NXPH3: variants seen among roughly 807,000 people sequenced by gnomAD.
NXPH3 encodes neurexophilin-3.
NXPH3 carries 7 observed loss-of-function variants against 18.8 expected under a neutral mutation model. That is an observed-to-expected ratio of 0.37 (90% confidence interval 0.21 to 0.70). The LOEUF is 0.70. Ranked by LOEUF, NXPH3 falls within the 30% of genes least tolerant of loss-of-function variation. The probability of loss-of-function intolerance (pLI) is 0.53; values close to 1 mark genes in which losing one functional copy is unlikely to be tolerated. For synonymous variants in NXPH3, 101 were observed against 137.3 expected, an observed-to-expected ratio of 0.74 and a Z score of 1.85; for missense variants, 282 against 338.1, an observed-to-expected ratio of 0.83 and a Z score of 1.30.
Position 49,579,279 on chromosome 17 carries a change from C to A in NXPH3, c.738C>A (p.Thr246=), listed in dbSNP as rs774835291. 1.1e-5 allele frequency: 18 copies of A among 1,598,006 alleles called. No homozygotes were observed. The South Asian group carries it at 2.0e-4, about 18-fold the overall frequency. ...VCPDYNYHSD[T]PYYPSG is the part of the protein sequence containing the mutation. ...CAGATTACAACTACCATAGTGATAC[C>A]CCCTACTACCCATCTGGGTGACCCG... The change falls in exon 2 of 2, where the codon ACC becomes ACA. Residue 246 remains threonine (T), a synonymous_variant. Coordinates refer to ENST00000328741, the MANE Select transcript of NXPH3 (RefSeq NM_007225.4). The surrounding 1 kb of genome is among the most constrained non-coding windows in gnomAD (Gnocchi z 6.0).
In NXPH3 at chr17:49,578,344, C is replaced by T. The variant is rs986184131; in HGVS notation, c.55-252C>T. Among the ~76,000 whole-genome samples, 26 of 149,424 alleles carry T rather than the reference C, an allele frequency of 1.7e-4. No homozygotes were observed. The highest frequency in any genetic ancestry group is 4.4e-5 in the Non-Finnish European group (3 of 67,672). On this transcript the variant is annotated intron_variant, in intron 1 of 1. Coordinates refer to ENST00000328741, the MANE Select transcript of NXPH3 (RefSeq NM_007225.4). This position sits in a 1 kb window ranked among gnomAD's most constrained non-coding sequence, Gnocchi z 4.5. Reference sequence around the variant, plus strand: ...TTCACTGGAGAGAATTATTGTCGGTCTTTGAGACTTTGAATTTGAATAGTG... The same window carrying T: ...TTCACTGGAGAGAATTATTGTCGGTTTTTGAGACTTTGAATTTGAATAGTG...
chr17:49,576,713 G>A (rs2143035333), intron 1 of NXPH3, among the ~76,000 whole-genome samples: 1 of 151,972 alleles, frequency 6.6e-6, no homozygotes, highest in South Asian at 2.1e-4. Flanking sequence ...GTCCAGGCGG[G>A]GGGCGGCCCC....
At position 49,579,325 on chromosome 17, in the gene NXPH3, G is replaced by T. The variant is rs1186021932; in HGVS notation, c.*25G>T. ...ACCCGGGGCAGGCCACAGAGGCCAG[G>T]CCAGGGCTGGAAGGACAGGCCTGCC... is the stretch of plus-strand genomic sequence containing the variant. On this transcript the variant is annotated 3_prime_UTR_variant, in exon 2 of 2. Transcript: ENST00000328741. The surrounding 1 kb of genome is among the most constrained non-coding windows in gnomAD (Gnocchi z 6.0). The T allele has an allele frequency of 6.4e-7, 1 of 1,573,176 alleles. No homozygotes were observed. The highest frequency in any genetic ancestry group is 8.6e-7 in the Non-Finnish European group (1 of 1,161,110).
chr17:49,576,462 G>A (rs1464354331), intron 1 of NXPH3, among the ~76,000 whole-genome samples, 189 bp downstream of exon 1: 1 of 152,038 alleles, frequency 6.6e-6, no homozygotes, highest in Non-Finnish European at 1.5e-5. Flanking sequence ...AATAGGGGCG[G>A]GGAGAGGGTG....
At position 49,582,839 on chromosome 17, in the gene NXPH3, G is replaced by T. The variant is rs2071607460; in HGVS notation, c.*3539G>T. On this transcript the variant is annotated 3_prime_UTR_variant, in exon 2 of 2. Coordinates refer to ENST00000328741, the MANE Select transcript of NXPH3 (RefSeq NM_007225.4). The stretch of plus-strand genomic sequence containing the variant: ...AGCACTCTGTGAAGCTAATAAGGGG[G>T]ATTACCCGTTAGGTCAACTGGTAGC... 6.6e-6 allele frequency: 1 copy of T among 152,186 alleles called. No homozygotes were observed. Among genetic ancestry groups the T allele is most frequent in the Admixed American group, 6.5e-5 (1 of 15,276 alleles). 9.4% of individuals were successfully genotyped at this position (152,186 alleles called of 1,614,324 possible).
Position 49,576,195 on chromosome 17 carries a change from G to T in NXPH3, c.-25G>T. ...GACCCCGAAAAGAGAAGGGGAGAGC[G>T]AGGGGACGAGAGCGGAGGAGGAAGA... On this transcript the variant is annotated 5_prime_UTR_variant, in exon 1 of 2. Transcript: ENST00000328741. 1 of 1,560,084 alleles carries T rather than the reference G, an allele frequency of 6.4e-7. No homozygotes were observed. The highest frequency in any genetic ancestry group is 8.7e-7 in the Non-Finnish European group (1 of 1,151,988).
In NXPH3 at chr17:49,579,108, G is replaced by A. The variant is rs993616793; in HGVS notation, c.567G>A (p.Ser189=). The part of the protein sequence containing the change: ...WEKVERGRRT[S]LCTHDPAKIC... ...AGGTAGAACGGGGCCGCCGGACCTC[G>A]CTTTGCACCCACGACCCAGCCAAGA... is the stretch of plus-strand genomic sequence containing the variant. The change falls in exon 2 of 2, where the codon TCG becomes TCA. Residue 189 remains serine (S), a synonymous_variant. Transcript: ENST00000328741. This position sits in a 1 kb window ranked among gnomAD's most constrained non-coding sequence, Gnocchi z 6.0. 13 of 1,613,898 alleles carry A rather than the reference G, an allele frequency of 8.1e-6. No homozygotes were observed. The highest frequency in any genetic ancestry group is 5.3e-5 in the African/African-American group (4 of 74,942).
intron 1 of NXPH3, 42 bp downstream of exon 1, chr17:49,576,315 G>A: frequency 6.5e-7 from 1 of 1,547,284 alleles, no homozygotes; most frequent in South Asian, 1.2e-5. Flanking sequence ...GCGGGGGCCC[G>A]GAGGATCGGG....
Position 49,581,776 on chromosome 17 carries a change from C to T in NXPH3, c.*2476C>T. On this transcript the variant is annotated 3_prime_UTR_variant, in exon 2 of 2. Transcript: ENST00000328741. ...GGCCCTGGGCGCCCTCCCCACCTCC[C>T]CTGGCTGAACTCTCAGCAGGCACTG... The T allele has an allele frequency of 1.4e-6, 1 of 702,110 alleles. No individual in the cohort carries two copies. Among genetic ancestry groups the T allele is most frequent in the Non-Finnish European group, 2.6e-6 (1 of 384,766 alleles). 43.5% of individuals were successfully genotyped at this position (702,110 alleles called of 1,614,324 possible). A position where few individuals can be genotyped will look rare whatever the true frequency, so the allele number is the denominator to read the frequency against.
chr17:49,578,299 CGTTGT>C lies in NXPH3; in HGVS notation c.55-296_55-292del, dbSNP rs1306712106. Among the ~76,000 whole-genome samples the C allele has an allele frequency of 3.3e-4, 50 of 151,992 alleles. No homozygotes were observed. The highest frequency in any genetic ancestry group is 1.2e-3 in the African/African-American group (49 of 41,394). ...CTGGGGACTCCCTAGGGGTAGGAGC[CGTTGT>C]CCCTGGTGCCACAGTTCACTGGAGA... On this transcript the variant is annotated intron_variant, in intron 1 of 1. Coordinates refer to ENST00000328741, the MANE Select transcript of NXPH3 (RefSeq NM_007225.4). The surrounding 1 kb of genome is among the most constrained non-coding windows in gnomAD (Gnocchi z 4.5).
Position 49,576,176 on chromosome 17 carries a change from G to A in NXPH3, c.-44G>A, listed in dbSNP as rs767394644. On this transcript the variant is annotated 5_prime_UTR_variant, in exon 1 of 2. Transcript: ENST00000328741. ...GAAGGGGAAGGAGGCCTGGGACCCC[G>A]AAAAGAGAAGGGGAGAGCGAGGGGA... is the stretch of plus-strand genomic sequence containing the variant. The A allele has an allele frequency of 7.7e-6, 12 of 1,554,034 alleles. No homozygotes were observed. The African/African-American group carries it at 1.6e-4, about 21-fold the overall frequency.
In NXPH3 at chr17:49,576,124, C is replaced by A; in HGVS notation, c.-96C>A. 6.8e-7 allele frequency: 1 copy of A among 1,462,346 alleles called. No homozygotes were observed. Among genetic ancestry groups the A allele is most frequent in the Non-Finnish European group, 9.3e-7 (1 of 1,070,324 alleles). 90.6% of individuals were successfully genotyped at this position (1,462,346 alleles called of 1,614,324 possible). A position where few individuals can be genotyped will look rare whatever the true frequency, so the allele number is the denominator to read the frequency against. The stretch of plus-strand genomic sequence containing the variant: ...GGCCGCGGGCCGCCGGGGACTGGAG[C>A]ATGGGACGGCGCGCCTGAAGGAGCA... On this transcript the variant is annotated 5_prime_UTR_variant, in exon 1 of 2. Transcript: ENST00000328741.
chr17:49,583,058 T>G lies in NXPH3; in HGVS notation c.*3758T>G, dbSNP rs1026933352. 1 of 152,186 alleles carries G rather than the reference T, an allele frequency of 6.6e-6. No homozygotes were observed. The highest frequency in any genetic ancestry group is 1.5e-5 in the Non-Finnish European group (1 of 68,060). 9.4% of individuals were successfully genotyped at this position (152,186 alleles called of 1,614,324 possible). A position where few individuals can be genotyped will look rare whatever the true frequency, so the allele number is the denominator to read the frequency against. On this transcript the variant is annotated 3_prime_UTR_variant, in exon 2 of 2. Transcript: ENST00000328741. Reference sequence around the variant, plus strand: ...AGGTGGCGAGGCCCATTGCTCGAGATGCACCTGGTGGGTGGGTGGCAGGGA... The same window carrying G: ...AGGTGGCGAGGCCCATTGCTCGAGAGGCACCTGGTGGGTGGGTGGCAGGGA...
chr17:49,576,187 G>A lies in NXPH3; in HGVS notation c.-33G>A, dbSNP rs1196911405. ...AGGCCTGGGACCCCGAAAAGAGAAGGGGAGAGCGAGGGGACGAGAGCGGAG... is the reference window on the plus strand; with the variant it reads ...AGGCCTGGGACCCCGAAAAGAGAAGAGGAGAGCGAGGGGACGAGAGCGGAG... On this transcript the variant is annotated 5_prime_UTR_variant, in exon 1 of 2. Transcript: ENST00000328741. 1 of 1,557,442 alleles carries A rather than the reference G, an allele frequency of 6.4e-7. No individual in the cohort carries two copies. The highest frequency in any genetic ancestry group is 8.7e-7 in the Non-Finnish European group (1 of 1,150,452).
rs935792566 is a variant in NXPH3 at position 49,575,908 on chromosome 17, G to C, written c.-312G>C. 31 of 323,398 alleles carry C rather than the reference G, an allele frequency of 9.6e-5. No individual in the cohort carries two copies. The highest frequency in any genetic ancestry group is 5.9e-4 in the African/African-American group (27 of 45,718). The allele number at this position is 323,398 out of a possible 1,614,324, so 20.0% of individuals were successfully genotyped here. On this transcript the variant is annotated 5_prime_UTR_variant, in exon 1 of 2. Coordinates refer to ENST00000328741, the MANE Select transcript of NXPH3 (RefSeq NM_007225.4). The surrounding 1 kb of genome is among the most constrained non-coding windows in gnomAD (Gnocchi z 4.3). ...CGAGAGCGGCGCCGCTGGAGCCGAG[G>C]GGGGCGCCGAGCGCAGATCTGGAGC...
chr17:49,580,101 A>C lies in NXPH3; in HGVS notation c.*801A>C, dbSNP rs1017270068. On this transcript the variant is annotated 3_prime_UTR_variant, in exon 2 of 2. Transcript: ENST00000328741. ...AACCCCTGCTGGCTCCTCTGGGAGC[A>C]TCCATGTCCCGGAGAGGGGTCCCTC... is the stretch of plus-strand genomic sequence containing the variant. The C allele has an allele frequency of 5.9e-5, 9 of 152,538 alleles. No individual in the cohort carries two copies. Among genetic ancestry groups the C allele is most frequent in the Non-Finnish European group, 1.3e-4 (9 of 68,154 alleles). 9.4% of individuals were successfully genotyped at this position (152,538 alleles called of 1,614,324 possible). A position where few individuals can be genotyped will look rare whatever the true frequency, so the allele number is the denominator to read the frequency against.
Position 49,581,873 on chromosome 17 carries a change from C to T in NXPH3, c.*2573C>T, listed in dbSNP as rs1474407479. ...AGATGCTGGCGACAGCTGGAGGGCC[C>T]GGCCTTCCTGGCACACAGTTCTGCC... On this transcript the variant is annotated 3_prime_UTR_variant, in exon 2 of 2. Transcript: ENST00000328741. The T allele has an allele frequency of 2.7e-5, 18 of 671,186 alleles. No individual in the cohort carries two copies. Among genetic ancestry groups the T allele is most frequent in the Admixed American group, 9.1e-5 (4 of 44,012 alleles). 41.6% of individuals were successfully genotyped at this position (671,186 alleles called of 1,614,324 possible).
At chr17:49,576,806 C>G (rs1197442833) in intron 1 of NXPH3, among the ~76,000 whole-genome samples, 1 of 150,882 alleles carries the variant, frequency 6.6e-6, no homozygotes, top group Non-Finnish European at 1.5e-5. Context: ...TGCGCGCAGC[C>G]GGAGCCCCAC....
In NXPH3 at chr17:49,579,263, A is replaced by G. The variant is rs927668537; in HGVS notation, c.722A>G (p.Asn241Ser). 7 of 1,600,074 alleles carry G rather than the reference A, an allele frequency of 4.4e-6. No homozygotes were observed. The highest frequency in any genetic ancestry group is 5.9e-6 in the Non-Finnish European group (7 of 1,179,936). ...GTCCAGAAGGTGTGCCCAGATTACA[A>G]CTACCATAGTGATACCCCCTACTAC... ...RLVQKVCPDY[N>S]YHSDTPYYPS... Residue 241 changes from asparagine (N) to serine (S), a missense_variant, in exon 2 of 2, where the codon AAC (asparagine) becomes AGC (serine). Physicochemically the swap from Asn to Ser is conservative, Grantham distance 46. Coordinates refer to ENST00000328741, the MANE Select transcript of NXPH3 (RefSeq NM_007225.4). This position sits in a 1 kb window ranked among gnomAD's most constrained non-coding sequence, Gnocchi z 6.0.
Sources: allele counts gnomAD v4.1 joint callset (sites outside exome capture counted in the v4.1 genomes callset), GRCh38; gene constraint gnomAD v4.1.1; non-coding constraint Gnocchi (gnomAD v3.1); transcripts MANE v1.5; gene names NCBI Gene and HGNC (gene_info 2026-07-23, HGNC 2026-07-21).